BMAL1: variants seen among roughly 807,000 people sequenced by gnomAD.
The protein encoded by BMAL1 is basic helix-loop-helix ARNT like 1, also known as basic helix-loop-helix ARNT-like protein 1.
At chr11:13,281,041 T>G in the BMAL1 span, among the ~76,000 whole-genome samples, 78 of 152,260 alleles carry the variant, frequency 5.1e-4, no homozygotes, top group Admixed American at 1.2e-3. Flanking sequence ...GCCTGCCTCG[T>G]GGAGTCTGTG....
the BMAL1 span, among the ~76,000 whole-genome samples, chr11:13,319,865 C>G: frequency 6.6e-6 from 1 of 152,192 alleles, no homozygotes; most frequent in Non-Finnish European, 1.5e-5. Context: ...GAGTGCCAGG[C>G]CTTGGGCCCC....
chr11:13,357,152 G>A, the BMAL1 span: 3 of 1,608,156 alleles, frequency 1.9e-6, no homozygotes, highest in East Asian at 2.2e-5. The surrounding 1 kb of genome is among the most constrained non-coding windows in gnomAD (Gnocchi z 4.8). Context: ...TGCTTAGAGA[G>A]CAGCTGAGGA....
the BMAL1 span, among the ~76,000 whole-genome samples, chr11:13,292,715 G>C: frequency 6.6e-6 from 1 of 152,162 alleles, no homozygotes; most frequent in African/African-American, 2.4e-5. Flanking sequence ...AAACCAGGTA[G>C]AAGTTTTCTC....
At chr11:13,313,148 G>A in the BMAL1 span, among the ~76,000 whole-genome samples, 1 of 152,262 alleles carries the variant, frequency 6.6e-6, no homozygotes, top group East Asian at 1.9e-4. Flanking sequence ...TCCCTGCAGC[G>A]AGAACTCCCA....
the BMAL1 span, among the ~76,000 whole-genome samples, chr11:13,343,433 C>T: frequency 2.7e-3 from 415 of 152,266 alleles, 2 homozygotes; most frequent in South Asian, 0.011. Flanking sequence ...TCAGATGCTC[C>T]CATTGTGACC....
the BMAL1 span, among the ~76,000 whole-genome samples, chr11:13,320,106 C>T: frequency 6.6e-6 from 1 of 152,220 alleles, no homozygotes; most frequent in Non-Finnish European, 1.5e-5. Flanking sequence ...GAAGGATCTG[C>T]AAATTCTCAG....
At chr11:13,284,230 GTGTGTA>G in the BMAL1 span, among the ~76,000 whole-genome samples, 8 of 20,654 alleles carry the variant, frequency 3.9e-4, no homozygotes, top group East Asian at 2.4e-3. Flanking sequence ...ATATATATGT[GTGTGTA>G]TATATATATA....
chr11:13,376,760 G>A, the BMAL1 span: 2 of 1,601,436 alleles, frequency 1.2e-6, no homozygotes, highest in Middle Eastern at 1.7e-4. Flanking sequence ...CCTGGGGCTT[G>A]CCCGTGGGAA....
At chr11:13,376,515 G>A in the BMAL1 span, 1 of 905,202 alleles carries the variant, frequency 1.1e-6, no homozygotes, top group Admixed American at 1.7e-5. Flanking sequence ...TACCCACTCA[G>A]ACAGACACTT....
At chr11:13,337,059 A>G in the BMAL1 span, among the ~76,000 whole-genome samples, 2 of 152,246 alleles carry the variant, frequency 1.3e-5, no homozygotes, top group African/African-American at 4.8e-5. Context: ...AGAGAAATTG[A>G]AAGATGAAAA....
At chr11:13,348,635 A>AC in the BMAL1 span, among the ~76,000 whole-genome samples, 1 of 152,122 alleles carries the variant, frequency 6.6e-6, no homozygotes, top group Non-Finnish European at 1.5e-5. Context: ...AGATGGAATT[A>AC]CCTATATTAA....
the BMAL1 span, chr11:13,386,549 A>G: frequency 6.7e-7 from 1 of 1,491,338 alleles, no homozygotes. Context: ...TAATCTGAAG[A>G]TGCTTTAAAA....
the BMAL1 span, chr11:13,366,627 G>A: frequency 6.5e-7 from 1 of 1,535,536 alleles, no homozygotes; most frequent in Non-Finnish European, 9.0e-7. Context: ...TTTTCTGCAT[G>A]CAATTGACTT....
chr11:13,352,990 T>C, the BMAL1 span, among the ~76,000 whole-genome samples: 1 of 152,240 alleles, frequency 6.6e-6, no homozygotes, highest in Non-Finnish European at 1.5e-5. Flanking sequence ...GCTTAATGCT[T>C]TTAAAATACG....
chr11:13,320,356 C>G, the BMAL1 span, among the ~76,000 whole-genome samples: 1 of 152,176 alleles, frequency 6.6e-6, no homozygotes, highest in Admixed American at 6.5e-5. Flanking sequence ...GACTTGATAC[C>G]CAGGCCATTT....
the BMAL1 span, among the ~76,000 whole-genome samples, chr11:13,358,879 T>C: frequency 1.3e-5 from 2 of 152,262 alleles, no homozygotes; most frequent in Non-Finnish European, 2.9e-5. Context: ...TCAGAGATGA[T>C]ACTGCTCTGA....
At chr11:13,366,848 C>T in the BMAL1 span, 20 of 1,330,556 alleles carry the variant, frequency 1.5e-5, no homozygotes, top group Non-Finnish European at 2.0e-5. Context: ...CCTGAGTGAG[C>T]AGAGGGCGGG....
the BMAL1 span, chr11:13,381,404 A>G: frequency 2.7e-6 from 2 of 744,358 alleles, no homozygotes; most frequent in Non-Finnish European, 4.5e-6. Context: ...GAGGCTGGAT[A>G]CAAAGCATAC....
At chr11:13,313,393 C>T in the BMAL1 span, among the ~76,000 whole-genome samples, 1 of 152,182 alleles carries the variant, frequency 6.6e-6, no homozygotes, top group Admixed American at 6.5e-5. Flanking sequence ...CATATCCGGT[C>T]TGAACCTCCT....
Sources: gnomAD v4.1 joint callset for allele counts (sites outside exome capture counted in the v4.1 genomes callset) on GRCh38, gnomAD v4.1.1 for gene constraint, Gnocchi (gnomAD v3.1) non-coding constraint, MANE v1.5 for transcripts, NCBI Gene and HGNC (gene_info 2026-07-23, HGNC 2026-07-21) for gene names.